Variants in SLC9C1 observed in about 807,000 individuals in gnomAD.
SLC9C1 encodes sodium/hydrogen exchanger 10.
Under a neutral mutation model 140.9 loss-of-function variants are expected in SLC9C1, and 97 were observed. That is an observed-to-expected ratio of 0.69 (90% confidence interval 0.58 to 0.82). The LOEUF (loss-of-function observed/expected upper bound fraction) is 0.82, where lower values mean the gene tolerates loss of function less well. SLC9C1 is among the 40% of genes least tolerant of loss of function. The pLI is 0.00. For missense variants in SLC9C1, 1,340 were observed against 1,389.3 expected, an observed-to-expected ratio of 0.96 and a Z score of 0.56; for synonymous variants, 440 against 442.6, an observed-to-expected ratio of 0.99 and a Z score of 0.07.
Position 112,221,207 on chromosome 3 carries a change from A to G in SLC9C1, c.1591T>C (p.Tyr531His). The change falls in exon 14 of 29, where the codon TAC (tyrosine) becomes CAC (histidine). Residue 531 changes from tyrosine (Y) to histidine (H), a missense_variant. Tyr to His is a moderately conservative substitution (Grantham distance 83, BLOSUM62 2). Coordinates refer to ENST00000305815, the MANE Select transcript of SLC9C1 (RefSeq NM_183061.3). Reference protein sequence around the residue: ...SAQIASYQRQYRNEILSQSAV... With the variant: ...SAQIASYQRQHRNEILSQSAV... ...CTCTGGGACAGAATCTCATTCCTGT[A>G]TTGTCTCTGGTAGCTTGCCTAAAAA... 6.2e-7 allele frequency: 1 copy of G among 1,613,442 alleles called. No individual in the cohort carries two copies. The highest frequency in any genetic ancestry group is 2.2e-5 in the East Asian group (1 of 44,868).
intron 15 of SLC9C1, among the ~76,000 whole-genome samples, chr3:112,214,354 A>C (rs972755289): frequency 6.6e-6 from 1 of 152,342 alleles, no homozygotes; most frequent in East Asian, 1.9e-4. Flanking sequence ...GAAATAACTA[A>C]GATCAGAGCA....
intron 8 of SLC9C1, among the ~76,000 whole-genome samples, chr3:112,265,573 T>C (rs73853381): frequency 0.054 from 8,253 of 152,196 alleles, 266 homozygotes; most frequent in South Asian, 0.089. Context: ...TTAACACATA[T>C]GTTTTCATTA....
chr3:112,227,143 G>A (rs1341731512), intron 13 of SLC9C1, among the ~76,000 whole-genome samples: 4 of 151,948 alleles, frequency 2.6e-5, no homozygotes, highest in Non-Finnish European at 4.4e-5. Context: ...TAGGAAGTCC[G>A]AATAGACCAA....
intron 23 of SLC9C1, among the ~76,000 whole-genome samples, chr3:112,172,241 A>G (rs935615462): frequency 6.6e-6 from 1 of 152,006 alleles, no homozygotes; most frequent in African/African-American, 2.4e-5. Context: ...ATCTTTTTTC[A>G]GTTATCTAGG....
chr3:112,239,467 T>C (rs9813849), intron 12 of SLC9C1, among the ~76,000 whole-genome samples: 89,913 of 152,044 alleles, frequency 0.59, 27,119 homozygotes, highest in East Asian at 0.79. Flanking sequence ...CTGTCCTGCA[T>C]CCACTGTCTG....
chr3:112,218,065 AG>A (rs1270054514), intron 14 of SLC9C1, among the ~76,000 whole-genome samples: 6 of 152,186 alleles, frequency 3.9e-5, no homozygotes, highest in Non-Finnish European at 5.9e-5. Flanking sequence ...AGTAAGGTTT[AG>A]AATGACTAAA....
chr3:112,277,243 T>C (rs901991449), intron 5 of SLC9C1, among the ~76,000 whole-genome samples: 2 of 152,284 alleles, frequency 1.3e-5, no homozygotes, highest in Non-Finnish European at 1.5e-5. Context: ...GAGTTTACCA[T>C]TTTTTGACTT....
intron 17 of SLC9C1, among the ~76,000 whole-genome samples, chr3:112,203,737 T>C (rs1453342741): frequency 6.6e-6 from 1 of 151,980 alleles, no homozygotes; most frequent in Non-Finnish European, 1.5e-5. Flanking sequence ...TAATATTTGT[T>C]ATAGAAACAT....
At chr3:112,208,548 T>C (rs995904979) in intron 15 of SLC9C1, among the ~76,000 whole-genome samples, 175 bp from the exon 16 acceptor site, 1 of 152,168 alleles carries the variant, frequency 6.6e-6, no homozygotes, top group Admixed American at 6.6e-5. Context: ...TCCTTTTAAT[T>C]TCTTCCACTG....
intron 24 of SLC9C1, 27 bp from the exon 25 acceptor site, chr3:112,169,089 T>C (rs1224605166): frequency 6.4e-7 from 1 of 1,574,272 alleles, no homozygotes. Flanking sequence ...AATTTCAGTC[T>C]ATTATTAGTC....
chr3:112,200,202 A>G (rs1350689960), intron 19 of SLC9C1, among the ~76,000 whole-genome samples: 2 of 152,108 alleles, frequency 1.3e-5, no homozygotes, highest in African/African-American at 4.8e-5. Flanking sequence ...GTCCTGCACC[A>G]GGAGCGTGAC....
At chr3:112,160,988 T>C (rs1338535445) in intron 26 of SLC9C1, among the ~76,000 whole-genome samples, 1 of 152,218 alleles carries the variant, frequency 6.6e-6, no homozygotes. Context: ...GGTATCTCAT[T>C]GTGGTTTTGA....
At chr3:112,277,313 C>T (rs1489732514) in intron 5 of SLC9C1, among the ~76,000 whole-genome samples, 3 of 152,034 alleles carry the variant, frequency 2.0e-5, no homozygotes, top group South Asian at 2.1e-4. Flanking sequence ...TTTAAAATGG[C>T]GTTGTCCTAA....
At chr3:112,203,463 C>T (rs928068495) in intron 17 of SLC9C1, among the ~76,000 whole-genome samples, 2 of 151,950 alleles carry the variant, frequency 1.3e-5, no homozygotes, top group African/African-American at 4.8e-5. Context: ...TGATTTATGC[C>T]TCTCAGTAGC....
intron 25 of SLC9C1, among the ~76,000 whole-genome samples, chr3:112,168,081 C>G (rs1333755400): frequency 6.6e-6 from 1 of 152,132 alleles, no homozygotes; most frequent in African/African-American, 2.4e-5. Context: ...GTGCTTTTAT[C>G]CTAGCTGTAA....
chr3:112,240,930 T>C (rs553654710), intron 11 of SLC9C1, among the ~76,000 whole-genome samples: 1 of 152,002 alleles, frequency 6.6e-6, no homozygotes, highest in South Asian at 2.1e-4. Flanking sequence ...TAAAAACAAT[T>C]TAACTCATGG....
In SLC9C1 at chr3:112,243,988, G is replaced by T; in HGVS notation, c.1279+7C>A. ...TCTCCACAGGAATAGTAACTGTTAGGGCTTACCTAGTATAGTAACTGCCAC... is the reference window on the plus strand; with the variant it reads ...TCTCCACAGGAATAGTAACTGTTAGTGCTTACCTAGTATAGTAACTGCCAC... On this transcript the variant is annotated splice_region_variant and intron_variant, in intron 11 of 28. Transcript: ENST00000305815. 1 of 1,572,176 alleles carries T rather than the reference G, an allele frequency of 6.4e-7. No homozygotes were observed. The highest frequency in any genetic ancestry group is 8.7e-7 in the Non-Finnish European group (1 of 1,150,294).
At chr3:112,194,359 T>G (rs1439972928) in intron 20 of SLC9C1, among the ~76,000 whole-genome samples, 2 of 152,184 alleles carry the variant, frequency 1.3e-5, no homozygotes, top group East Asian at 3.9e-4. Context: ...TCCATGTGAC[T>G]TCCTGGGCTT....
chr3:112,219,304 A>G (rs1244995284), intron 14 of SLC9C1, among the ~76,000 whole-genome samples: 2 of 136,598 alleles, frequency 1.5e-5, no homozygotes, highest in African/African-American at 5.4e-5. Context: ...AGCTCAGCAA[A>G]GAAGCAAGAA....
Sources: allele counts gnomAD v4.1 joint callset (sites outside exome capture counted in the v4.1 genomes callset), GRCh38; gene constraint gnomAD v4.1.1; transcripts MANE v1.5; gene names NCBI Gene and HGNC (gene_info 2026-07-23, HGNC 2026-07-21).